Variants in DOCK10 observed in about 807,000 individuals in gnomAD.
DOCK10 encodes dedicator of cytokinesis protein 10.
In DOCK10, 145 loss-of-function variants were observed where a neutral mutation model predicts 280.1. The ratio of observed to expected loss-of-function variants is 0.52; its 90% CI spans 0.45 to 0.59. The LOEUF is 0.59. Ranked by LOEUF, DOCK10 falls within the 20% of genes least tolerant of loss-of-function variation. The pLI is 0.00. For synonymous variants in DOCK10, 915 were observed against 942.2 expected (o/e 0.97, Z 0.53); for missense variants, 2,368 against 2,651.7 (o/e 0.89, Z 2.35).
intron 28 of DOCK10, among the ~76,000 whole-genome samples, chr2:224,821,002 G>T (rs1694471151): frequency 6.6e-6 from 1 of 152,224 alleles, no homozygotes; most frequent in African/African-American, 2.4e-5. Flanking sequence ...GGTATGTTCA[G>T]ATAAGTAGAG....
intron 1 of DOCK10, among the ~76,000 whole-genome samples, chr2:225,004,225 G>A (rs777803450): frequency 2.0e-5 from 3 of 152,184 alleles, no homozygotes; most frequent in African/African-American, 4.8e-5. Flanking sequence ...TAAGCTGGCC[G>A]TAAATCCAAT....
At chr2:224,851,081 C>T (rs2125536664) in intron 18 of DOCK10, among the ~76,000 whole-genome samples, 1 of 152,248 alleles carries the variant, frequency 6.6e-6, no homozygotes, top group East Asian at 1.9e-4. Flanking sequence ...TTACCATCTC[C>T]ACCACAGCAT....
In DOCK10 at chr2:224,853,348, C is replaced by A. The variant is rs531162007; in HGVS notation, c.1889-226G>T. Among the ~76,000 whole-genome samples, 29 of 152,284 alleles carry A rather than the reference C, an allele frequency of 1.9e-4. No individual in the cohort carries two copies. In the South Asian group the frequency reaches 5.6e-3, roughly 29 times the overall value. ...GATGTCTCAGAAAAAAACAGTAAATCTTTTAGACGGATTTATAACTATTTT... is the reference window on the plus strand; with the variant it reads ...GATGTCTCAGAAAAAAACAGTAAATATTTTAGACGGATTTATAACTATTTT... On this transcript the variant is annotated intron_variant, in intron 16 of 55. Coordinates refer to ENST00000258390, the MANE Select transcript of DOCK10 (RefSeq NM_014689.3).
intron 1 of DOCK10, among the ~76,000 whole-genome samples, chr2:224,947,289 A>G (rs931706519): frequency 1.3e-5 from 2 of 152,224 alleles, no homozygotes; most frequent in Non-Finnish European, 2.9e-5. Context: ...CCAAATCAAG[A>G]TTGAATTGAA....
chr2:224,854,078 A>C (rs1696939901), intron 16 of DOCK10, among the ~76,000 whole-genome samples: 1 of 152,202 alleles, frequency 6.6e-6, no homozygotes, highest in African/African-American at 2.4e-5. Context: ...CCATGGCTTA[A>C]GTTAGAATGC....
chr2:224,798,088 G>A (rs1468764905), intron 41 of DOCK10, 119 bp from the exon 42 acceptor site: 1 of 972,598 alleles, frequency 1.0e-6, no homozygotes, highest in Non-Finnish European at 1.5e-6. Context: ...TAGAAATAAA[G>A]GATTGAACAA....
At chr2:224,795,741 G>A (rs1369215966) in intron 44 of DOCK10, among the ~76,000 whole-genome samples, 1 of 152,204 alleles carries the variant, frequency 6.6e-6, no homozygotes, top group African/African-American at 2.4e-5. Context: ...CCTGGGTCCA[G>A]CCATGACTGA....
At chr2:224,795,144 T>G (rs760475984) in intron 44 of DOCK10, 50 bp from the exon 45 acceptor site, 1 of 1,523,048 alleles carries the variant, frequency 6.6e-7, no homozygotes, top group Middle Eastern at 1.7e-4. Flanking sequence ...ATCTATAGGT[T>G]AACTGACTTT....
At chr2:224,878,026 G>A (rs186142843) in intron 7 of DOCK10, among the ~76,000 whole-genome samples, 166 of 152,248 alleles carry the variant, frequency 1.1e-3, no homozygotes, top group African/African-American at 3.8e-3. Context: ...AATAAGAGAA[G>A]AGCCATAAAA....
chr2:224,920,069 A>T (rs911251652), intron 2 of DOCK10, among the ~76,000 whole-genome samples: 1 of 152,008 alleles, frequency 6.6e-6, no homozygotes, highest in African/African-American at 2.4e-5. Flanking sequence ...TTTACATTTT[A>T]CTTTTTGTTG....
chr2:224,768,131 G>C (rs958501658), intron 55 of DOCK10, among the ~76,000 whole-genome samples: 10 of 152,022 alleles, frequency 6.6e-5, no homozygotes, highest in African/African-American at 2.2e-4. Context: ...TGGCCAAGCT[G>C]GTCTCACACT....
At chr2:225,039,558 G>T (rs1690358988) in intron 1 of DOCK10, among the ~76,000 whole-genome samples, 1 of 152,114 alleles carries the variant, frequency 6.6e-6, no homozygotes, top group Non-Finnish European at 1.5e-5. Context: ...CATCAAATTT[G>T]CTTTGGCATA....
intron 12 of DOCK10, 30 bp from the exon 13 acceptor site, chr2:224,864,705 T>C (rs1487355227): frequency 6.3e-7 from 1 of 1,596,138 alleles, no homozygotes; most frequent in East Asian, 2.2e-5. Context: ...CTAATAAGCA[T>C]GGAAGAAACC....
At chr2:224,933,481 A>G (rs1230750341) in intron 1 of DOCK10, among the ~76,000 whole-genome samples, 1 of 152,168 alleles carries the variant, frequency 6.6e-6, no homozygotes, top group East Asian at 1.9e-4. Context: ...TTACTTTTAT[A>G]TTACCAACTG....
rs370062174 is a variant in DOCK10, at chr2:224,960,451, G to A, written c.124-28783C>T. 2.0e-5 allele frequency among the ~76,000 whole-genome samples: 3 copies of A among 152,320 alleles called. No homozygotes were observed. The East Asian group carries it at 5.8e-4, about 29-fold the overall frequency. On this transcript the variant is annotated intron_variant, in intron 1 of 55. Coordinates refer to ENST00000258390, the MANE Select transcript of DOCK10 (RefSeq NM_014689.3). ...CTTATTTGTCTTTACAGAGCTTAGA[G>A]GAGTTGGTTTGGCAGGTGCTGTGAT...
At chr2:224,895,830 T>TGC (rs375904373) in intron 4 of DOCK10, among the ~76,000 whole-genome samples, 1 of 135,748 alleles carries the variant, frequency 7.4e-6, no homozygotes, top group Non-Finnish European at 1.6e-5. Flanking sequence ...TGTGTGTGTG[T>TGC]GCGTGTGTGT....
At chr2:224,814,157 T>G (rs1693972238) in intron 31 of DOCK10, among the ~76,000 whole-genome samples, 163 bp downstream of exon 31, 1 of 152,246 alleles carries the variant, frequency 6.6e-6, no homozygotes, top group Non-Finnish European at 1.5e-5. Flanking sequence ...ATCATTAAAC[T>G]ATCTGTGACA....
In DOCK10 at chr2:224,901,222, T is replaced by C. The variant is rs1441300772; in HGVS notation, c.334-4845A>G. Among the ~76,000 whole-genome samples, 11 of 152,238 alleles carry C rather than the reference T, an allele frequency of 7.2e-5. No individual in the cohort carries two copies. The East Asian group carries it at 2.1e-3, about 29-fold the overall frequency. On this transcript the variant is annotated intron_variant, in intron 3 of 55. Coordinates refer to ENST00000258390, the MANE Select transcript of DOCK10 (RefSeq NM_014689.3). ...GCTCCTCTTTGTCCAAAATCTAAGC[T>C]GAAATGATCTGTTGCAAATTCAAAG...
intron 2 of DOCK10, among the ~76,000 whole-genome samples, chr2:224,918,340 T>C (rs1243909373): frequency 2.1e-5 from 3 of 142,592 alleles, no homozygotes; most frequent in Admixed American, 7.2e-5. Flanking sequence ...GTGGGGTGTG[T>C]GTGTGTGAGC....
Sources: gnomAD v4.1 joint callset for allele counts (sites outside exome capture counted in the v4.1 genomes callset) on GRCh38, gnomAD v4.1.1 for gene constraint, MANE v1.5 for transcripts, NCBI Gene and HGNC (gene_info 2026-07-23, HGNC 2026-07-21) for gene names.